SPATA24: variants seen among roughly 807,000 people sequenced by gnomAD.
SPATA24 encodes spermatogenesis-associated protein 24.
Under a neutral mutation model 28.9 loss-of-function variants are expected in SPATA24, and 21 were observed. The ratio of observed to expected loss-of-function variants is 0.73; its 90% confidence interval spans 0.52 to 1.05. SPATA24 has a LOEUF of 1.05. Among genes scored for constraint, SPATA24 ranks in the 50% least tolerant of loss-of-function variants. The pLI is 0.00. For missense variants in SPATA24, 215 were observed against 242.9 expected (o/e 0.88, Z 0.76); for synonymous variants, 76 against 89.9 (o/e 0.85, Z 0.88).
At chr5:139,395,204 T>TA, downstream of SPATA24, 1 of 1,031,316 alleles carries the variant, frequency 9.7e-7, no homozygotes. Context: ...CCGCGTCCAC[T>TA]CCTGAGCCAG....
intron 4 of SPATA24, chr5:139,401,451 G>C (rs1166054424): frequency 3.2e-6 from 2 of 616,320 alleles, no homozygotes; most frequent in African/African-American, 3.7e-5. Flanking sequence ...GTATCAGTTA[G>C]GAGTAACCCA....
At chr5:139,398,441 G>T (rs1363255527) in intron 4 of SPATA24, among the ~76,000 whole-genome samples, 1 of 151,882 alleles carries the variant, frequency 6.6e-6, no homozygotes, top group Non-Finnish European at 1.5e-5. Context: ...TGGGCATGGT[G>T]TTGGAACATG....
chr5:139,397,700 G>A lies in SPATA24; in HGVS notation c.386-557C>T, dbSNP rs543022378. Among the ~76,000 whole-genome samples the A allele has an allele frequency of 1.4e-4, 22 of 151,918 alleles. 1 individual carries two copies. The highest frequency in any genetic ancestry group is 2.6e-4 in the Non-Finnish European group (18 of 67,992). ...CTCCCGAGTAGCTGGGATTACAGGC[G>A]CCTGCCACCACGCCCAGCTAATTTT... On this transcript the variant is annotated intron_variant, in intron 4 of 5. Coordinates refer to ENST00000450845, the MANE Select transcript of SPATA24 (RefSeq NM_194296.2).
At chr5:139,400,600 G>A (rs944902414) in intron 4 of SPATA24, among the ~76,000 whole-genome samples, 1 of 151,874 alleles carries the variant, frequency 6.6e-6, no homozygotes, top group South Asian at 2.1e-4. Flanking sequence ...GAGCCACCGC[G>A]CCCAGCCCAT....
Position 139,401,830 on chromosome 5 carries a change from G to A in SPATA24, c.315-5C>T. 6.5e-7 allele frequency: 1 copy of A among 1,549,586 alleles called. No homozygotes were observed. Among genetic ancestry groups the A allele is most frequent in the African/African-American group, 1.4e-5 (1 of 73,074 alleles). On this transcript the variant is annotated splice_region_variant and splice_polypyrimidine_tract_variant and intron_variant, in intron 3 of 5. Transcript: ENST00000450845. ...TTGCTCTTGACACTGGAGAGCCTGG[G>A]TGGGGAAGATAAGATGGGAGGGTGG... is the stretch of plus-strand genomic sequence containing the variant.
chr5:139,396,737 TCCC>T (rs1460163153), downstream of SPATA24: 1 of 1,550,892 alleles, frequency 6.4e-7, no homozygotes, highest in African/African-American at 1.4e-5. Context: ...GGCTGGGGAC[TCCC>T]AGAGCAGAGA....
At chr5:139,393,621 C>T, downstream of SPATA24, 4 of 1,550,658 alleles carry the variant, frequency 2.6e-6, no homozygotes, top group Non-Finnish European at 3.5e-6. Flanking sequence ...CCACCGCATC[C>T]GCGACTGCCG....
chr5:139,394,690 G>A, downstream of SPATA24: 2 of 1,533,900 alleles, frequency 1.3e-6, no homozygotes, highest in African/African-American at 1.4e-5. Flanking sequence ...CTGTTGTTGC[G>A]CCTCGCGATC....
chr5:139,394,080 C>T, downstream of SPATA24: 1 of 1,550,692 alleles, frequency 6.4e-7, no homozygotes, highest in Non-Finnish European at 8.7e-7. Context: ...CAGGACCCAG[C>T]GGCTCCGTCC....
chr5:139,402,183 G>A, intron 2 of SPATA24, 138 bp from the exon 3 acceptor site: 4 of 1,119,650 alleles, frequency 3.6e-6, no homozygotes, highest in Non-Finnish European at 4.9e-6. Flanking sequence ...TACAGGGGCT[G>A]GAGGTTCTCA....
chr5:139,392,709 T>C, downstream of SPATA24: 1 of 1,408,542 alleles, frequency 7.1e-7, no homozygotes, highest in East Asian at 2.8e-5. This position sits in a 1 kb window ranked among gnomAD's most constrained non-coding sequence, Gnocchi z 5.8. Flanking sequence ...CTGCTGGCCC[T>C]ACGGGGGAGC....
At position 139,401,360 on chromosome 5, in the gene SPATA24, T is replaced by A. The variant is rs994266271; in HGVS notation, c.385+395A>T. ...GCAATCCTAGCCCCCTGTCACCACA[T>A]GCATCCTTCCCTATTGAGTCCTGAC... On this transcript the variant is annotated intron_variant, in intron 4 of 5. Coordinates refer to ENST00000450845, the MANE Select transcript of SPATA24 (RefSeq NM_194296.2). 2.9e-5 allele frequency: 16 copies of A among 546,224 alleles called. No homozygotes were observed. The African/African-American group carries it at 3.0e-4, about 10-fold the overall frequency. The allele number at this position is 546,224 out of a possible 1,614,324, so 33.8% of individuals were successfully genotyped here.
chr5:139,394,417 G>T (rs748561015), downstream of SPATA24: 1 of 1,387,674 alleles, frequency 7.2e-7, no homozygotes, highest in Non-Finnish European at 9.3e-7. Flanking sequence ...CGCGCCGGCC[G>T]CCCTTGGGGG....
Position 139,402,006 on chromosome 5 carries a change from C to G in SPATA24, c.223G>C (p.Ala75Pro). Reference sequence around the variant, plus strand: ...AACTGTAACTTCTCCTCTTCCTTGGCCAGGAGGACCTTGGTTTTGGCATGG... The same window carrying G: ...AACTGTAACTTCTCCTCTTCCTTGGGCAGGAGGACCTTGGTTTTGGCATGG... ...AAHAKTKVLL[A>P]KEEEKLQFAL... Residue 75 changes from alanine (A) to proline (P), a missense_variant, in exon 3 of 6, where the codon GCC becomes CCC. Ala to Pro is a conservative substitution (Grantham distance 27). Transcript: ENST00000450845. 1 of 1,551,598 alleles carries G rather than the reference C, an allele frequency of 6.4e-7. No homozygotes were observed. Among genetic ancestry groups the G allele is most frequent in the Non-Finnish European group, 8.7e-7 (1 of 1,146,982 alleles).
downstream of SPATA24, chr5:139,392,544 C>G (rs1305635972): frequency 4.5e-5 from 61 of 1,347,336 alleles, no homozygotes; most frequent in Non-Finnish European, 5.7e-5. The surrounding 1 kb of genome is among the most constrained non-coding windows in gnomAD (Gnocchi z 5.8). Flanking sequence ...GGGCTGGGGC[C>G]GTCCTGCCCG....
chr5:139,398,122 C>A (rs4835726), intron 4 of SPATA24, among the ~76,000 whole-genome samples: 1 of 152,060 alleles, frequency 6.6e-6, no homozygotes, highest in Non-Finnish European at 1.5e-5. Context: ...TTCCCGAGGG[C>A]TGGCTGGATG....
downstream of SPATA24, chr5:139,394,260 CG>C: frequency 6.5e-7 from 1 of 1,545,154 alleles, no homozygotes. Context: ...CCGACCGCCC[CG>C]TGGACCCGAA....
downstream of SPATA24, chr5:139,394,884 G>A: frequency 2.6e-6 from 4 of 1,514,620 alleles, no homozygotes; most frequent in Admixed American, 2.2e-5. Flanking sequence ...GAGGCTGCGC[G>A]CCCGCCCCCC....
At chr5:139,395,399 T>G, downstream of SPATA24, 1 of 304,440 alleles carries the variant, frequency 3.3e-6, no homozygotes. Context: ...TAGGCCCAAC[T>G]CCACCTATCA....
Sources: allele counts gnomAD v4.1 joint callset (sites outside exome capture counted in the v4.1 genomes callset), GRCh38; gene constraint gnomAD v4.1.1; non-coding constraint Gnocchi (gnomAD v3.1); transcripts MANE v1.5; gene names NCBI Gene and HGNC (gene_info 2026-07-23, HGNC 2026-07-21).